Variants in LIPC observed in about 807,000 individuals in gnomAD.
The protein encoded by LIPC is hepatic triacylglycerol lipase.
LIPC carries 44 observed loss-of-function variants against 50.7 expected under a neutral mutation model. The observed-to-expected ratio is 0.87, with a 90% CI of 0.68 to 1.11. The LOEUF is 1.11. Ranked by LOEUF, LIPC falls within the 50% of genes most tolerant of loss-of-function variation. LIPC has a pLI of 0.00. For synonymous variants in LIPC, 271 were observed against 256.4 expected, an observed-to-expected ratio of 1.06 and a Z score of -0.54; for missense variants, 697 against 648.2, an observed-to-expected ratio of 1.08 and a Z score of -0.82.
At chr15:58,551,415 A>T (rs1893753048) in intron 6 of LIPC, among the ~76,000 whole-genome samples, 1 of 152,200 alleles carries the variant, frequency 6.6e-6, no homozygotes, top group Non-Finnish European at 1.5e-5. Context: ...TCCAAATCTA[A>T]GTTACTTTAA....
chr15:58,484,629 G>T lies in LIPC; in HGVS notation c.88+52509G>T, dbSNP rs373113611. ...AGAGCAGGGAAATAACTTGCCCAAGGTTACACAGCCAGTCAGCTCCAGGTG... is the reference window on the plus strand; with the variant it reads ...AGAGCAGGGAAATAACTTGCCCAAGTTTACACAGCCAGTCAGCTCCAGGTG... On this transcript the variant is annotated intron_variant, in intron 1 of 8. Coordinates refer to ENST00000299022, the MANE Select transcript of LIPC (RefSeq NM_000236.3). Among the ~76,000 whole-genome samples, 567 of 152,352 alleles carry T rather than the reference G, an allele frequency of 3.7e-3. 4 individuals are homozygous for T. Among genetic ancestry groups the T allele is most frequent in the African/African-American group, 0.013 (548 of 41,574 alleles).
At chr15:58,480,941 G>A (rs1482843499) in intron 1 of LIPC, among the ~76,000 whole-genome samples, 1 of 152,026 alleles carries the variant, frequency 6.6e-6, no homozygotes, top group Non-Finnish European at 1.5e-5. Flanking sequence ...CAGAGACTTC[G>A]GTTCCTGGTG....
rs528405584 is a variant in LIPC at position 58,564,092 on chromosome 15, T to C, written c.1388+369T>C. 1.3e-5 allele frequency: 4 copies of C among 307,270 alleles called. No homozygotes were observed. The East Asian group carries it at 2.8e-4, about 22-fold the overall frequency. The allele number at this position is 307,270 out of a possible 1,614,324, so 19.0% of individuals were successfully genotyped here. A position where few individuals can be genotyped will look rare whatever the true frequency, so the allele number is the denominator to read the frequency against. On this transcript the variant is annotated intron_variant, in intron 8 of 8. Transcript: ENST00000299022. ...GTGCTGTGGTAGATGCAACATCTTT[T>C]TTTTATTGTTTGCCCAAAGAAAATC...
intron 1 of LIPC, among the ~76,000 whole-genome samples, chr15:58,505,629 G>A (rs1007731372): frequency 1.1e-4 from 16 of 152,108 alleles, no homozygotes; most frequent in African/African-American, 3.4e-4. Flanking sequence ...TTTCCTTCAC[G>A]TTTCACCCAA....
chr15:58,461,500 C>G (rs959635971), intron 1 of LIPC, among the ~76,000 whole-genome samples: 4 of 152,180 alleles, frequency 2.6e-5, no homozygotes, highest in Non-Finnish European at 5.9e-5. Context: ...TGCTTGGCTC[C>G]CTGGTTCAAG....
intron 1 of LIPC, among the ~76,000 whole-genome samples, chr15:58,520,510 C>A (rs1378325996): frequency 6.6e-6 from 1 of 152,210 alleles, no homozygotes; most frequent in African/African-American, 2.4e-5. Context: ...CCCCAGCACA[C>A]AGAGGTGAGT....
intron 1 of LIPC, among the ~76,000 whole-genome samples, chr15:58,470,171 G>C (rs1336751654): frequency 6.6e-6 from 1 of 152,074 alleles, no homozygotes; most frequent in Non-Finnish European, 1.5e-5. Flanking sequence ...GCCTCAAACA[G>C]TGCTTCGGGT....
chr15:58,460,296 T>C (rs1388151295), intron 1 of LIPC, among the ~76,000 whole-genome samples: 1 of 152,226 alleles, frequency 6.6e-6, no homozygotes, highest in Non-Finnish European at 1.5e-5. Flanking sequence ...AGGTAGGACT[T>C]TGAGGAATTC....
At position 58,538,345 on chromosome 15, in the gene LIPC, G is replaced by T; in HGVS notation, c.101G>T (p.Arg34Ile). The change falls in exon 2 of 9, where the codon AGA becomes ATA. Residue 34 changes from arginine (R) to isoleucine (I), a missense_variant. Transcript: ENST00000299022. Reference sequence around the variant, plus strand: ...TCTTATATTGCAGAGCCATTTGGAAGAAGAGCTCAAGCTGTTGAAACAAAC... The same window carrying T: ...TCTTATATTGCAGAGCCATTTGGAATAAGAGCTCAAGCTGTTGAAACAAAC... ...GQSLKPEPFG[R>I]RAQAVETNKT... 1 of 1,614,218 alleles carries T rather than the reference G, an allele frequency of 6.2e-7. No individual in the cohort carries two copies. Among genetic ancestry groups the T allele is most frequent in the Non-Finnish European group, 8.5e-7 (1 of 1,180,024 alleles).
At chr15:58,512,435 T>C (rs752413774) in intron 1 of LIPC, among the ~76,000 whole-genome samples, 1 of 152,214 alleles carries the variant, frequency 6.6e-6, no homozygotes, top group Non-Finnish European at 1.5e-5. Context: ...TGTTTTATTT[T>C]GCTTTTTAAG....
chr15:58,559,545 G>A (rs565944242), intron 6 of LIPC, among the ~76,000 whole-genome samples: 45 of 152,150 alleles, frequency 3.0e-4, no homozygotes, highest in Admixed American at 2.9e-3. Flanking sequence ...TCAATCAAAT[G>A]GAATTAACAT....
intron 1 of LIPC, among the ~76,000 whole-genome samples, chr15:58,470,725 C>T (rs1894762920): frequency 6.6e-6 from 1 of 151,980 alleles, no homozygotes; most frequent in Non-Finnish European, 1.5e-5. Flanking sequence ...TCAGCCTCCC[C>T]AGTAGCTGGG....
chr15:58,567,587 A>G (rs1420805901), intron 8 of LIPC, among the ~76,000 whole-genome samples: 2 of 151,996 alleles, frequency 1.3e-5, no homozygotes, highest in African/African-American at 4.8e-5. Context: ...ACTATACATA[A>G]TAAGTAAATA....
intron 1 of LIPC, among the ~76,000 whole-genome samples, chr15:58,453,380 C>T (rs1182216081): frequency 3.3e-5 from 5 of 151,166 alleles, no homozygotes; most frequent in South Asian, 2.1e-4. Flanking sequence ...ACCCTCATTC[C>T]GCATTCTCGG....
rs1398548726 is a variant in LIPC at position 58,538,422 on chromosome 15, C to G, written c.178C>G (p.Gln60Glu). The change falls in exon 2 of 9, where the codon CAG (glutamine) becomes GAG (glutamate). Residue 60 changes from glutamine to glutamate, a missense_variant. By Grantham distance (29) the Gln-to-Glu change is conservative (BLOSUM62 2). Coordinates refer to ENST00000299022, the MANE Select transcript of LIPC (RefSeq NM_000236.3). Reference sequence around the variant, plus strand: ...ATTCCTGCTCTTTGGAGAAACCAATCAGGGCTGTCAGATTCGAATCAATCA... The same window carrying G: ...ATTCCTGCTCTTTGGAGAAACCAATGAGGGCTGTCAGATTCGAATCAATCA... The part of the protein sequence containing the change: ...TRFLLFGETN[Q>E]GCQIRINHPD... 1.2e-6 allele frequency: 2 copies of G among 1,614,168 alleles called. No individual in the cohort carries two copies. Among genetic ancestry groups the G allele is most frequent in the Admixed American group, 1.7e-5 (1 of 60,028 alleles).
Position 58,563,747 on chromosome 15 carries a change from T to C in LIPC, c.1388+24T>C, listed in dbSNP as rs368907096. The C allele has an allele frequency of 1.1e-4, 182 of 1,583,804 alleles. 1 individual carries two copies. In the African/African-American group the frequency reaches 2.1e-3, roughly 18 times the overall value. ...AGGTGACTGCTGATTCAATCTCCTATTAACGTCCATTAAGCACCCACTTGT... is the reference window on the plus strand; with the variant it reads ...AGGTGACTGCTGATTCAATCTCCTACTAACGTCCATTAAGCACCCACTTGT... On this transcript the variant is annotated intron_variant, in intron 8 of 8. Coordinates refer to ENST00000299022, the MANE Select transcript of LIPC (RefSeq NM_000236.3).
intron 1 of LIPC, among the ~76,000 whole-genome samples, chr15:58,496,762 T>TAAAAAAAAAAAAAAAAAAAAAAAAAAA (rs1891782667): frequency 1.4e-5 from 1 of 71,146 alleles, no homozygotes; most frequent in Admixed American, 1.7e-4. Flanking sequence ...AAAAAAAAAT[T>TAAAAAAAAAAAAAAAAAAAAAAAAAAA]AAGATGGAGT....
intron 1 of LIPC, among the ~76,000 whole-genome samples, chr15:58,462,503 G>A (rs1343191889): frequency 2.0e-5 from 3 of 152,132 alleles, no homozygotes; most frequent in Non-Finnish European, 2.9e-5. Flanking sequence ...CATCCAATTG[G>A]TTTAGATACT....
intron 1 of LIPC, among the ~76,000 whole-genome samples, chr15:58,485,301 A>G (rs1891334241): frequency 6.6e-6 from 1 of 152,190 alleles, no homozygotes; most frequent in South Asian, 2.1e-4. Context: ...GACAGTATCA[A>G]CATGTTATGC....
Sources: gnomAD v4.1 joint callset for allele counts (sites outside exome capture counted in the v4.1 genomes callset) on GRCh38, gnomAD v4.1.1 for gene constraint, MANE v1.5 for transcripts, NCBI Gene and HGNC (gene_info 2026-07-23, HGNC 2026-07-21) for gene names.